RUBCNL: variants seen among roughly 807,000 people sequenced by gnomAD.
RUBCNL encodes protein associated with UVRAG as autophagy enhancer.
In RUBCNL, 62 loss-of-function variants were observed where a neutral mutation model predicts 69.5. That is an observed-to-expected ratio of 0.89 (90% CI 0.73 to 1.10). The LOEUF (loss-of-function observed/expected upper bound fraction) is 1.10. RUBCNL is among the 50% of genes least tolerant of loss of function. RUBCNL has a pLI of 0.00. For missense variants in RUBCNL, 768 were observed against 798.1 expected (o/e 0.96, Z 0.45); for synonymous variants, 291 against 303.6 (o/e 0.96, Z 0.43).
chr13:46,372,008 G>A lies in RUBCNL; in HGVS notation c.468C>T (p.Thr156=). 1.2e-6 allele frequency: 2 copies of A among 1,613,992 alleles called. No individual in the cohort carries two copies. Among genetic ancestry groups the A allele is most frequent in the African/African-American group, 1.3e-5 (1 of 75,048 alleles). ...CACTGTCAGTCTCAGGATATGGGGA[G>A]GTGGCCAAAATCCCAGGGCTTGTGG... is the stretch of plus-strand genomic sequence containing the variant. ...SLPTSPGILA[T]SPYPETDSAF... The change falls in exon 3 of 15, where the codon ACC becomes ACT. Residue 156 remains threonine, a synonymous_variant. Transcript: ENST00000429979.
In RUBCNL at chr13:46,385,191, A is replaced by G. The variant is rs1041031643; in HGVS notation, c.-239+1943T>C. 2.4e-5 allele frequency: 16 copies of G among 668,870 alleles called. No individual in the cohort carries two copies. The African/African-American group carries it at 3.1e-4, about 13-fold the overall frequency. The allele number at this position is 668,870 out of a possible 1,614,324, so 41.4% of individuals were successfully genotyped here. On this transcript the variant is annotated intron_variant, in intron 1 of 14. Coordinates refer to ENST00000429979, the MANE Select transcript of RUBCNL (RefSeq NM_025113.5). ...ATGTCCTATGAAGGTTAGCTTTATT[A>G]TCACCATCATTATTATTGCAGAAAG...
Position 46,343,299 on chromosome 13 carries a change from A to T in RUBCNL, c.*86T>A. 1.3e-6 allele frequency: 2 copies of T among 1,550,958 alleles called. No homozygotes were observed. Among genetic ancestry groups the T allele is most frequent in the Non-Finnish European group, 1.7e-6 (2 of 1,143,540 alleles). On this transcript the variant is annotated 3_prime_UTR_variant, in exon 15 of 15. Coordinates refer to ENST00000429979, the MANE Select transcript of RUBCNL (RefSeq NM_025113.5). Reference sequence around the variant, plus strand: ...TTTTCCTTAATATACAATACCCAATATCTAAAACAATGTCACCAATAATAG... The same window carrying T: ...TTTTCCTTAATATACAATACCCAATTTCTAAAACAATGTCACCAATAATAG...
In RUBCNL at chr13:46,359,505, TA is replaced by T; in HGVS notation, c.1245del (p.Phe415LeufsTer27). 3.7e-6 allele frequency: 6 copies of T among 1,602,050 alleles called. No individual in the cohort carries two copies. The highest frequency in any genetic ancestry group is 3.4e-6 in the Non-Finnish European group (4 of 1,173,950). On this transcript the variant is annotated frameshift_variant, in exon 9 of 15. Coordinates refer to ENST00000429979, the MANE Select transcript of RUBCNL (RefSeq NM_025113.5). LOFTEE classifies it high-confidence loss of function. ...ACTTACTTGAGTGGTGGATGAATAT[TA>T]AATATGATTTGAAATCTAGGAGGAG... is the stretch of plus-strand genomic sequence containing the variant. The part of the protein sequence containing the change: ...DWAPPRFQII[F>X]NIHPPLKRDL...
At chr13:46,380,494 A>T (rs2049094925) in intron 1 of RUBCNL, among the ~76,000 whole-genome samples, 1 of 152,208 alleles carries the variant, frequency 6.6e-6, no homozygotes, top group Admixed American at 6.5e-5. Context: ...CTGGTATTTC[A>T]CACATTCCGT....
Position 46,350,229 on chromosome 13 carries a change from A to G in RUBCNL, c.1453T>C (p.Tyr485His), listed in dbSNP as rs1040797485. The part of the protein sequence containing the change: ...ILMMWDFKKY[Y>H]VSNFSKQLLD... ...AGCTGTTTGGAGAAATTGCTGACGT[A>G]GTACTTCTTGAAGTCCCACATCATC... Residue 485 changes from tyrosine (Y) to histidine (H), a missense_variant, in exon 11 of 15, where the codon TAC becomes CAC. Coordinates refer to ENST00000429979, the MANE Select transcript of RUBCNL (RefSeq NM_025113.5). 5.6e-6 allele frequency: 9 copies of G among 1,593,414 alleles called. No homozygotes were observed. Among genetic ancestry groups the G allele is most frequent in the Non-Finnish European group, 7.7e-6 (9 of 1,169,654 alleles).
chr13:46,376,202 A>G (rs1226528970), intron 2 of RUBCNL, among the ~76,000 whole-genome samples: 1 of 152,026 alleles, frequency 6.6e-6, no homozygotes, highest in Non-Finnish European at 1.5e-5. Flanking sequence ...TTGTGCGCAG[A>G]TTTTCAACTG....
chr13:46,371,593 G>A (rs930226012), intron 3 of RUBCNL, among the ~76,000 whole-genome samples: 2 of 152,208 alleles, frequency 1.3e-5, no homozygotes, highest in African/African-American at 4.8e-5. Context: ...CCCCGTGGCT[G>A]TCTGGAAACA....
At chr13:46,348,635 C>T (rs866361151) in intron 12 of RUBCNL, among the ~76,000 whole-genome samples, 1 of 148,402 alleles carries the variant, frequency 6.7e-6, no homozygotes, top group African/African-American at 2.5e-5. Flanking sequence ...GACGGAATCT[C>T]GTTCTGTCTC....
At chr13:46,367,348 G>GA (rs1331319382) in intron 5 of RUBCNL, among the ~76,000 whole-genome samples, 1 of 151,950 alleles carries the variant, frequency 6.6e-6, no homozygotes, top group African/African-American at 2.4e-5. Context: ...ATTACTGAAT[G>GA]AAAAAAAGAA....
chr13:46,387,007 C>T (rs1281905366), intron 1 of RUBCNL, 127 bp downstream of exon 1: 15 of 837,680 alleles, frequency 1.8e-5, no homozygotes, highest in Non-Finnish European at 1.4e-5. Context: ...GGTGTCTCTG[C>T]TGGGCACAAA....
upstream of RUBCNL, chr13:46,389,762 T>G (rs545212685): frequency 1.3e-5 from 2 of 151,962 alleles, no homozygotes; most frequent in Admixed American, 6.6e-5. This position sits in a 1 kb window ranked among gnomAD's most constrained non-coding sequence, Gnocchi z 4.2. Flanking sequence ...CAAGGACAGG[T>G]TTTTCAAGTT....
chr13:46,368,465 A>G (rs2138787119), intron 4 of RUBCNL: 1 of 985,362 alleles, frequency 1.0e-6, no homozygotes, highest in Non-Finnish European at 1.2e-6. Flanking sequence ...GACAACTCAA[A>G]TTGGATTTCT....
In RUBCNL at chr13:46,380,744, AATACATTAGGATACATACAGC is replaced by A. The variant is rs2049099311; in HGVS notation, c.-238-2760_-238-2740del. Among the ~76,000 whole-genome samples the A allele has an allele frequency of 4.6e-5, 7 of 152,336 alleles. No homozygotes were observed. In the South Asian group the frequency reaches 1.4e-3, roughly 32 times the overall value. On this transcript the variant is annotated intron_variant, in intron 1 of 14. Transcript: ENST00000429979. ...CACCTTACATGTGTACAGCTATGCT[AATACATTAGGATACATACAGC>A]ATATGTAAAAATAGAATTTTGTTCT...
intron 1 of RUBCNL, among the ~76,000 whole-genome samples, chr13:46,385,018 C>T (rs1364911423): frequency 2.0e-4 from 31 of 152,176 alleles, no homozygotes. Flanking sequence ...CACTCGCACA[C>T]ACAGGACCCA....
chr13:46,387,383 C>T (rs2049275970), upstream of RUBCNL: 1 of 985,404 alleles, frequency 1.0e-6, no homozygotes, highest in African/African-American at 1.7e-5. Flanking sequence ...GCCGCAGGCA[C>T]CGAGACGTCG....
chr13:46,381,604 C>T (rs181938544), intron 1 of RUBCNL, among the ~76,000 whole-genome samples: 35 of 152,172 alleles, frequency 2.3e-4, no homozygotes, highest in Middle Eastern at 3.4e-3. Flanking sequence ...GTTTTCGAGA[C>T]GGAGTTTCGC....
rs774856546 is a variant in RUBCNL, at chr13:46,372,102, C to T, written c.374G>A (p.Ser125Asn). 3 of 1,613,870 alleles carry T rather than the reference C, an allele frequency of 1.9e-6. No homozygotes were observed. The highest frequency in any genetic ancestry group is 1.3e-5 in the African/African-American group (1 of 74,910). ...ASPHGSSEKSSSFSLSSTEVH... is the reference protein window; with the variant it reads ...ASPHGSSEKSNSFSLSSTEVH... ...CTCTGTTGAGGACAGAGAGAAGCTG[C>T]TACTCTTTTCACTCGAGCCATGGGG... Residue 125 changes from serine (S) to asparagine (N), a missense_variant, in exon 3 of 15, where the codon AGC (serine) becomes AAC (asparagine). Transcript: ENST00000429979.
At chr13:46,354,852 T>C (rs571321527) in intron 10 of RUBCNL, 74 of 456,684 alleles carry the variant, frequency 1.6e-4, no homozygotes, top group South Asian at 1.0e-3. Flanking sequence ...CACATCTCCA[T>C]ACCTGAACAA....
chr13:46,387,615 T>C, upstream of RUBCNL: 1 of 985,364 alleles, frequency 1.0e-6, no homozygotes, highest in South Asian at 4.7e-5. Flanking sequence ...AGTCATACAA[T>C]TGCCTGAAAT....
Sources: allele counts gnomAD v4.1 joint callset (sites outside exome capture counted in the v4.1 genomes callset), GRCh38; gene constraint gnomAD v4.1.1; non-coding constraint Gnocchi (gnomAD v3.1); transcripts MANE v1.5; gene names NCBI Gene and HGNC (gene_info 2026-07-23, HGNC 2026-07-21).